GOSR1: variants seen among roughly 807,000 people sequenced by gnomAD.
GOSR1 encodes the protein golgi SNAP receptor complex member 1, also known as 28 kDa Golgi SNARE protein.
Under a neutral mutation model 35.5 loss-of-function variants are expected in GOSR1, and 21 were observed. That is an observed-to-expected ratio of 0.59 (90% CI 0.42 to 0.85). The LOEUF is 0.85. Among genes scored for constraint, GOSR1 ranks in the 40% least tolerant of loss-of-function variants. GOSR1 has a pLI of 0.00. For missense variants in GOSR1, 285 were observed against 309.6 expected (o/e 0.92, Z 0.60); for synonymous variants, 94 against 106.6 (o/e 0.88, Z 0.73).
Position 30,507,754 on chromosome 17 carries a change from G to A in GOSR1, c.510-3126G>A, listed in dbSNP as rs533717014. ...AAAAAAAAAAAAAAAGTTAGAAAGC[G>A]GAGCCTGAAGATGTGACTGAATTGT... is the stretch of plus-strand genomic sequence containing the variant. On this transcript the variant is annotated intron_variant, in intron 6 of 8. Transcript: ENST00000451249. Among the ~76,000 whole-genome samples the A allele has an allele frequency of 1.8e-3, 271 of 151,320 alleles. 3 individuals carry two copies. The highest frequency in any genetic ancestry group is 5.0e-4 in the Non-Finnish European group (34 of 67,904).
chr17:30,523,123 G>A lies in GOSR1; in HGVS notation c.*745G>A, dbSNP rs62070565. ...GCCACCTGCCTTGGCCTCCCAAAGTGCCGAGATTGCAGCCTCTGCCCGGCC... is the reference window on the plus strand; with the variant it reads ...GCCACCTGCCTTGGCCTCCCAAAGTACCGAGATTGCAGCCTCTGCCCGGCC... On this transcript the variant is annotated 3_prime_UTR_variant, in exon 9 of 9. Transcript: ENST00000451249. 0.43 allele frequency: 79,369 copies of A among 183,448 alleles called. 17,824 individuals carry two copies. The highest frequency in any genetic ancestry group is 0.82 in the East Asian group (4,667 of 5,674). The allele number at this position is 183,448 out of a possible 1,614,324, so 11.4% of individuals were successfully genotyped here.
At chr17:30,519,367 C>G (rs1006433519) in intron 7 of GOSR1, among the ~76,000 whole-genome samples, 1 of 152,178 alleles carries the variant, frequency 6.6e-6, no homozygotes, top group Non-Finnish European at 1.5e-5. Flanking sequence ...GTTTTAGCCA[C>G]GTTTAATGAG....
intron 4 of GOSR1, among the ~76,000 whole-genome samples, chr17:30,489,417 A>C (rs1202575597): frequency 6.6e-6 from 1 of 152,198 alleles, no homozygotes; most frequent in Non-Finnish European, 1.5e-5. Flanking sequence ...TCCTGGAAGA[A>C]AATACAAAAT....
intron 2 of GOSR1, among the ~76,000 whole-genome samples, chr17:30,483,383 C>G (rs995287859): frequency 6.6e-6 from 1 of 152,156 alleles, no homozygotes. Context: ...ATGTGCCAGG[C>G]TGTATACTAG....
chr17:30,500,332 C>T (rs999790593), intron 6 of GOSR1, among the ~76,000 whole-genome samples: 6 of 151,996 alleles, frequency 3.9e-5, no homozygotes, highest in African/African-American at 1.4e-4. Context: ...GTTTTTAAAC[C>T]TGCAGCCAAC....
In GOSR1 at chr17:30,523,156, C is replaced by G. The variant is rs1239800516; in HGVS notation, c.*778C>G. ...TGCAGCCTCTGCCCGGCCGCCACCC[C>G]GTCTGGAAAGTGAGGAGCGCCTCTG... On this transcript the variant is annotated 3_prime_UTR_variant, in exon 9 of 9. Transcript: ENST00000451249. 5.1e-6 allele frequency: 1 copy of G among 197,478 alleles called. No individual in the cohort carries two copies. Among genetic ancestry groups the G allele is most frequent in the Non-Finnish European group, 1.0e-5 (1 of 97,444 alleles). 12.2% of individuals were successfully genotyped at this position (197,478 alleles called of 1,614,324 possible). A position where few individuals can be genotyped will look rare whatever the true frequency, so the allele number is the denominator to read the frequency against.
At chr17:30,486,605 C>T (rs535904815) in intron 4 of GOSR1, among the ~76,000 whole-genome samples, 47 of 150,604 alleles carry the variant, frequency 3.1e-4, no homozygotes, top group Non-Finnish European at 6.5e-4. Context: ...GTCTAGTACA[C>T]GCAAGAAAAT....
intron 6 of GOSR1, among the ~76,000 whole-genome samples, chr17:30,494,394 T>C (rs1014286899): frequency 7.2e-5 from 11 of 152,228 alleles, no homozygotes; most frequent in Non-Finnish European, 1.3e-4. Flanking sequence ...AAGAAAATAC[T>C]GACTTTGAAT....
chr17:30,502,413 TGGA>T (rs1472148299), intron 6 of GOSR1, among the ~76,000 whole-genome samples: 5 of 152,202 alleles, frequency 3.3e-5, no homozygotes, highest in Admixed American at 6.5e-5. Context: ...TAATCACAGG[TGGA>T]GGAGAACGGG....
chr17:30,492,771 G>A lies in GOSR1; in HGVS notation c.509+18G>A. The stretch of plus-strand genomic sequence containing the variant: ...CTTCGAAAGTAGGTATTGAATGTAT[G>A]TGCATTATGTGGTTTTCCACGTTTA... On this transcript the variant is annotated intron_variant, in intron 6 of 8. Coordinates refer to ENST00000451249, the MANE Select transcript of GOSR1 (RefSeq NM_001007025.2). 2.1e-6 allele frequency: 3 copies of A among 1,403,274 alleles called. No homozygotes were observed. The highest frequency in any genetic ancestry group is 2.3e-5 in the South Asian group (2 of 86,032). The allele number at this position is 1,403,274 out of a possible 1,614,324, so 86.9% of individuals were successfully genotyped here.
intron 6 of GOSR1, among the ~76,000 whole-genome samples, chr17:30,507,497 C>T (rs1225896190): frequency 6.6e-6 from 1 of 152,000 alleles, no homozygotes; most frequent in Non-Finnish European, 1.5e-5. Flanking sequence ...CCAAGAGGAG[C>T]GGATCACCCG....
intron 8 of GOSR1, among the ~76,000 whole-genome samples, chr17:30,521,538 A>G (rs1472817520): frequency 6.6e-6 from 1 of 151,470 alleles, no homozygotes; most frequent in Non-Finnish European, 1.5e-5. Context: ...ATAGCGCCTC[A>G]TACAAATAAG....
In GOSR1 at chr17:30,522,445, G is replaced by A. The variant is rs1014065713; in HGVS notation, c.*67G>A. 56 of 1,326,834 alleles carry A rather than the reference G, an allele frequency of 4.2e-5. No individual in the cohort carries two copies. Among genetic ancestry groups the A allele is most frequent in the Non-Finnish European group, 5.1e-5 (50 of 979,586 alleles). 82.2% of individuals were successfully genotyped at this position (1,326,834 alleles called of 1,614,324 possible). On this transcript the variant is annotated 3_prime_UTR_variant, in exon 9 of 9. Coordinates refer to ENST00000451249, the MANE Select transcript of GOSR1 (RefSeq NM_001007025.2). ...CCCTGGTCTGGAATAAGGAAACATC[G>A]GAGGGAGAAGTTGACTGTCTTGATA...
At chr17:30,478,602 G>A (rs1389545081) in intron 1 of GOSR1, 1 of 149,672 alleles carries the variant, frequency 6.7e-6, no homozygotes, top group Non-Finnish European at 1.5e-5. Context: ...GCCCAGGCTG[G>A]AGTGCGGTGG....
At chr17:30,517,299 G>A (rs1967857443) in intron 7 of GOSR1, among the ~76,000 whole-genome samples, 1 of 152,108 alleles carries the variant, frequency 6.6e-6, no homozygotes, top group Non-Finnish European at 1.5e-5. Context: ...CAATCTCCTG[G>A]TAGTACCCCT....
At chr17:30,493,138 G>T (rs1463762638) in intron 6 of GOSR1, among the ~76,000 whole-genome samples, 6 of 152,096 alleles carry the variant, frequency 3.9e-5, no homozygotes, top group African/African-American at 4.8e-5. Flanking sequence ...GGGACTACAG[G>T]CGTGTGCCAC....
chr17:30,517,195 T>C (rs1450029547), intron 7 of GOSR1, among the ~76,000 whole-genome samples: 1 of 152,220 alleles, frequency 6.6e-6, no homozygotes, highest in African/African-American at 2.4e-5. Flanking sequence ...TTTTCTTTAT[T>C]AGATATTTAT....
At position 30,477,444 on chromosome 17, in the gene GOSR1, G is replaced by A. The variant is rs756506762; in HGVS notation, c.11G>A (p.Gly4Glu). 6.2e-7 allele frequency: 1 copy of A among 1,609,324 alleles called. No individual in the cohort carries two copies. The highest frequency in any genetic ancestry group is 1.1e-5 in the South Asian group (1 of 90,438). ...CGTTGGACGACAAAGATGGCGGCAG[G>A]GACCAGCAGTTACTGGGAAGGTGAG... is the stretch of plus-strand genomic sequence containing the variant. MAA[G>E]TSSYWEDLRK... The change falls in exon 1 of 9, where the codon GGG (glycine) becomes GAG (glutamate). Residue 4 changes from glycine to glutamate, a missense_variant. Around this residue, in one of 3 missense-constraint regions of GOSR1, gnomAD observed 108 missense variants for 98.9 expected, o/e 1.09. Coordinates refer to ENST00000451249, the MANE Select transcript of GOSR1 (RefSeq NM_001007025.2).
chr17:30,503,743 G>T (rs569900629), intron 6 of GOSR1, among the ~76,000 whole-genome samples: 1 of 152,294 alleles, frequency 6.6e-6, no homozygotes, highest in South Asian at 2.1e-4. Flanking sequence ...CAGTGGGTAG[G>T]GAATGTGTGT....
Sources: allele counts gnomAD v4.1 joint callset (sites outside exome capture counted in the v4.1 genomes callset), GRCh38; gene constraint gnomAD v4.1.1; regional missense constraint gnomAD v4.1.1; transcripts MANE v1.5; gene names NCBI Gene and HGNC (gene_info 2026-07-23, HGNC 2026-07-21).